The following INPP5D variants were observed in gnomAD, a reference collection of about 807,000 sequenced individuals.
INPP5D encodes phosphatidylinositol 3,4,5-trisphosphate 5-phosphatase 1.
Under a neutral mutation model 122.9 loss-of-function variants are expected in INPP5D, and 33 were observed. The observed-to-expected ratio is 0.27, with a 90% CI of 0.20 to 0.36. INPP5D has a LOEUF of 0.36. INPP5D is among the 10% of genes least tolerant of loss of function. INPP5D has a pLI of 1.00. For missense variants in INPP5D, 1,053 were observed against 1,412.7 expected, an observed-to-expected ratio of 0.75 and a Z score of 4.08; for synonymous variants, 584 against 576.2, an observed-to-expected ratio of 1.01 and a Z score of -0.19.
intron 2 of INPP5D, among the ~76,000 whole-genome samples, chr2:233,089,018 G>A (rs373585144): frequency 1.9e-4 from 29 of 152,312 alleles, no homozygotes; most frequent in Middle Eastern, 3.4e-3. Context: ...CATTACAGCC[G>A]TATGTCCCGA....
At chr2:233,165,968 G>A (rs532150594) in intron 13 of INPP5D, among the ~76,000 whole-genome samples, 2 of 152,118 alleles carry the variant, frequency 1.3e-5, no homozygotes, top group Non-Finnish European at 2.9e-5. Flanking sequence ...GTGGAGTCAG[G>A]AACAGGACAG....
intron 19 of INPP5D, among the ~76,000 whole-genome samples, chr2:233,182,783 A>G (rs1488491631): frequency 1.3e-5 from 2 of 152,038 alleles, no homozygotes; most frequent in Non-Finnish European, 2.9e-5. Context: ...GACACTGAAG[A>G]TAATTCTCCG....
chr2:233,090,128 G>A (rs992697996), intron 2 of INPP5D, among the ~76,000 whole-genome samples: 7 of 152,220 alleles, frequency 4.6e-5, no homozygotes, highest in South Asian at 2.1e-4. Context: ...CAGAGGATGC[G>A]TCGCCATCCC....
At chr2:233,145,015 C>A (rs1280154871) in intron 6 of INPP5D, among the ~76,000 whole-genome samples, 4 of 152,034 alleles carry the variant, frequency 2.6e-5, no homozygotes, top group African/African-American at 9.7e-5. Context: ...CTGGTGATAA[C>A]CCTGGTTCCA....
chr2:233,149,833 G>A (rs1392501571), intron 9 of INPP5D, among the ~76,000 whole-genome samples: 2 of 152,140 alleles, frequency 1.3e-5, no homozygotes, highest in Non-Finnish European at 2.9e-5. Flanking sequence ...TGAGTCTTAT[G>A]TGGGTGAACA....
At chr2:233,109,457 G>A (rs764509828) in intron 2 of INPP5D, among the ~76,000 whole-genome samples, 3 of 152,200 alleles carry the variant, frequency 2.0e-5, no homozygotes, top group Non-Finnish European at 4.4e-5. Flanking sequence ...TTTGGGCATC[G>A]TAGGTGTTTC....
At chr2:233,096,062 G>A (rs1000073806) in intron 2 of INPP5D, among the ~76,000 whole-genome samples, 3 of 152,004 alleles carry the variant, frequency 2.0e-5, no homozygotes, top group African/African-American at 2.4e-5. Flanking sequence ...TTTCTTTTTT[G>A]TTGTTCTCAC....
chr2:233,134,054 G>A, intron 5 of INPP5D: 1 of 456,068 alleles, frequency 2.2e-6, no homozygotes, highest in Non-Finnish European at 4.4e-6. Flanking sequence ...TTGATTGGAT[G>A]TGGGGTGAAG....
At chr2:233,200,910 G>T (rs1171877992) in intron 25 of INPP5D, among the ~76,000 whole-genome samples, 6 of 151,898 alleles carry the variant, frequency 4.0e-5, no homozygotes, top group Admixed American at 2.6e-4. Context: ...GCAGTGAGCT[G>T]AGGTCATGCC....
chr2:233,108,656 C>G (rs1222241308), intron 2 of INPP5D, among the ~76,000 whole-genome samples: 1 of 152,200 alleles, frequency 6.6e-6, no homozygotes, highest in Non-Finnish European at 1.5e-5. Context: ...GCTCAAATTC[C>G]CTGCAGCCTG....
chr2:233,125,229 G>A (rs942798853), intron 3 of INPP5D, among the ~76,000 whole-genome samples: 1 of 152,232 alleles, frequency 6.6e-6, no homozygotes, highest in African/African-American at 2.4e-5. Context: ...TCTGGGGGAG[G>A]AGAGAAGGAA....
chr2:233,102,576 C>G (rs983727004), intron 2 of INPP5D, among the ~76,000 whole-genome samples: 1 of 151,324 alleles, frequency 6.6e-6, no homozygotes, highest in African/African-American at 2.4e-5. Context: ...CACAGCGCCT[C>G]GGTGGCTCAC....
intron 24 of INPP5D, among the ~76,000 whole-genome samples, chr2:233,196,103 G>A (rs565675725): frequency 1.2e-3 from 180 of 152,276 alleles, no homozygotes; most frequent in Non-Finnish European, 2.0e-3. Flanking sequence ...CAGCTTAGGC[G>A]ACAGAGTAAG....
At chr2:233,191,027 C>T (rs527382951) in intron 22 of INPP5D, among the ~76,000 whole-genome samples, 91 of 152,132 alleles carry the variant, frequency 6.0e-4, no homozygotes, top group African/African-American at 2.1e-3. Context: ...ACTGTCTGGG[C>T]CTGGGATTGG....
rs1353358366 is a variant in INPP5D at position 233,137,969 on chromosome 2, A to AATG, written c.666-1873_666-1872insATG. Among the ~76,000 whole-genome samples, 447 of 45,438 alleles carry AATG rather than the reference A, an allele frequency of 9.8e-3. 3 individuals carry two copies. Among genetic ancestry groups the AATG allele is most frequent in the African/African-American group, 0.014 (151 of 11,158 alleles). 29.8% of individuals were successfully genotyped at this position (45,438 alleles called of 152,430 possible). ...TGATATAATGATATTATATTATAAT[A>AATG]TAATGAGATTATATTGTATTAATAA... On this transcript the variant is annotated intron_variant, in intron 5 of 26. Coordinates refer to ENST00000445964, the MANE Select transcript of INPP5D (RefSeq NM_001017915.3).
Position 233,174,406 on chromosome 2 carries a change from T to C in INPP5D, c.1990-2859T>C, listed in dbSNP as rs573124553. Reference sequence around the variant, plus strand: ...TTATAATTTTGTAGGACCTCTGTCCTATATGCAGTCCATTACTGTGGTACA... The same window carrying C: ...TTATAATTTTGTAGGACCTCTGTCCCATATGCAGTCCATTACTGTGGTACA... On this transcript the variant is annotated intron_variant, in intron 17 of 26. Transcript: ENST00000445964. Among the ~76,000 whole-genome samples, 3 of 152,366 alleles carry C rather than the reference T, an allele frequency of 2.0e-5. No individual in the cohort carries two copies. The East Asian group carries it at 5.8e-4, about 29-fold the overall frequency.
chr2:233,090,158 G>A (rs971247621), intron 2 of INPP5D, among the ~76,000 whole-genome samples: 6 of 152,230 alleles, frequency 3.9e-5, no homozygotes, highest in African/African-American at 9.6e-5. Flanking sequence ...AGGCCCAGCT[G>A]GACCTGGCTT....
chr2:233,080,977 G>A (rs377542027), intron 2 of INPP5D, among the ~76,000 whole-genome samples: 3 of 152,212 alleles, frequency 2.0e-5, no homozygotes, highest in Admixed American at 1.3e-4. Flanking sequence ...CACTCCCTGC[G>A]TAGTTAGGCT....
rs929125412 is a variant in INPP5D at position 233,188,837 on chromosome 2, A to G, written c.2359-1013A>G. Among the ~76,000 whole-genome samples, 1 of 152,184 alleles carries G rather than the reference A, an allele frequency of 6.6e-6. No homozygotes were observed. Among genetic ancestry groups the G allele is most frequent in the African/African-American group, 2.4e-5 (1 of 41,440 alleles). On this transcript the variant is annotated intron_variant, in intron 21 of 26. Coordinates refer to ENST00000445964, the MANE Select transcript of INPP5D (RefSeq NM_001017915.3). The surrounding 1 kb of genome is among the most constrained non-coding windows in gnomAD (Gnocchi z 4.7). The stretch of plus-strand genomic sequence containing the variant: ...CTCGGCCTCCCAAAGTGCTGTGATT[A>G]TAGGCATGAGCCACTGCACCTGGCC...
Sources: gnomAD v4.1 joint callset for allele counts (sites outside exome capture counted in the v4.1 genomes callset) on GRCh38, gnomAD v4.1.1 for gene constraint, Gnocchi (gnomAD v3.1) non-coding constraint, MANE v1.5 for transcripts, NCBI Gene and HGNC (gene_info 2026-07-23, HGNC 2026-07-21) for gene names.